The following ST18 variants were observed in gnomAD, a reference collection of about 807,000 sequenced individuals.
ST18 encodes suppression of tumorigenicity 18 protein.
Under a neutral mutation model 110.0 loss-of-function variants are expected in ST18, and 50 were observed. The observed-to-expected ratio is 0.45, with a 90% CI of 0.36 to 0.58. ST18 has a LOEUF of 0.58. Among genes scored for constraint, ST18 ranks in the 20% least tolerant of loss-of-function variants. The pLI, the probability that ST18 is intolerant of heterozygous loss-of-function variation, is 0.00. For missense variants in ST18, 1,306 were observed against 1,280.1 expected (o/e 1.02, Z -0.31); for synonymous variants, 461 against 452.4 (o/e 1.02, Z -0.24).
At chr8:52,181,383 A>G (rs961855275) in intron 8 of ST18, among the ~76,000 whole-genome samples, 2 of 152,206 alleles carry the variant, frequency 1.3e-5, no homozygotes, top group African/African-American at 4.8e-5. Flanking sequence ...CGTGAAAATG[A>G]TTCGGTTATA....
intron 8 of ST18, among the ~76,000 whole-genome samples, chr8:52,183,442 G>A (rs2070716366): frequency 6.6e-6 from 1 of 152,182 alleles, no homozygotes; most frequent in African/African-American, 2.4e-5. Context: ...GTGAGTGTAG[G>A]ATGAAGAGGA....
chr8:52,142,788 A>T, intron 17 of ST18, 142 bp downstream of exon 17: 1 of 614,830 alleles, frequency 1.6e-6, no homozygotes, highest in Non-Finnish European at 2.9e-6. Context: ...AGCTCAGGTT[A>T]GATGCGTGTT....
At chr8:52,315,396 C>T (rs1307950911) in intron 2 of ST18, among the ~76,000 whole-genome samples, 1 of 152,208 alleles carries the variant, frequency 6.6e-6, no homozygotes, top group Non-Finnish European at 1.5e-5. Flanking sequence ...AGCAGATCCA[C>T]ATGGCCCATT....
At chr8:52,334,375 T>C (rs1017606437) in intron 2 of ST18, among the ~76,000 whole-genome samples, 6 of 152,220 alleles carry the variant, frequency 3.9e-5, no homozygotes, top group Non-Finnish European at 8.8e-5. Context: ...TTCTTACTAG[T>C]ATGTGTTTTG....
At chr8:52,225,198 T>A (rs2088848515) in intron 3 of ST18, among the ~76,000 whole-genome samples, 1 of 152,232 alleles carries the variant, frequency 6.6e-6, no homozygotes, top group South Asian at 2.1e-4. Flanking sequence ...ATGCAAGACC[T>A]ATATTTCTCT....
intron 8 of ST18, among the ~76,000 whole-genome samples, chr8:52,188,790 G>T (rs974817952): frequency 6.6e-6 from 1 of 152,172 alleles, no homozygotes; most frequent in Non-Finnish European, 1.5e-5. Context: ...AAAGCAAATG[G>T]AATTATGAGA....
chr8:52,182,724 T>C (rs2070296648), intron 8 of ST18, among the ~76,000 whole-genome samples: 1 of 152,134 alleles, frequency 6.6e-6, no homozygotes, highest in South Asian at 2.1e-4. Flanking sequence ...TGTTCAACAC[T>C]GTACCTAGAG....
chr8:52,206,225 C>T (rs566700267), intron 8 of ST18, among the ~76,000 whole-genome samples: 24 of 152,136 alleles, frequency 1.6e-4, no homozygotes, highest in African/African-American at 5.8e-4. Flanking sequence ...CTGTATGGCT[C>T]CAACCAGACG....
intron 15 of ST18, among the ~76,000 whole-genome samples, chr8:52,153,288 C>T (rs1252027165): frequency 1.3e-5 from 2 of 152,180 alleles, no homozygotes; most frequent in Non-Finnish European, 2.9e-5. Flanking sequence ...CAGGATGGGT[C>T]ACCTGCCATT....
At chr8:52,249,169 T>C (rs1016139252) in intron 2 of ST18, among the ~76,000 whole-genome samples, 14 of 152,158 alleles carry the variant, frequency 9.2e-5, no homozygotes, top group African/African-American at 3.4e-4. Flanking sequence ...TACAAACTTT[T>C]TTGAAACAGC....
chr8:52,332,122 CATT>C (rs1480741305), intron 2 of ST18, among the ~76,000 whole-genome samples: 1 of 151,696 alleles, frequency 6.6e-6, no homozygotes, highest in African/African-American at 2.4e-5. Context: ...TTACATTTGC[CATT>C]ATAAGTATAA....
At chr8:52,119,867 T>A (rs928570494) in intron 23 of ST18, among the ~76,000 whole-genome samples, 1 of 152,186 alleles carries the variant, frequency 6.6e-6, no homozygotes, top group Admixed American at 6.5e-5. Context: ...CATGGACCAA[T>A]GAAGAGAGTG....
intron 8 of ST18, among the ~76,000 whole-genome samples, chr8:52,189,591 A>C (rs2073762585): frequency 6.6e-6 from 1 of 152,232 alleles, no homozygotes; most frequent in African/African-American, 2.4e-5. Context: ...TGTCCTTTCA[A>C]GGAAGTTCCC....
At chr8:52,388,652 A>C (rs936977158) in intron 2 of ST18, among the ~76,000 whole-genome samples, 1 of 151,668 alleles carries the variant, frequency 6.6e-6, no homozygotes, top group Non-Finnish European at 1.5e-5. Flanking sequence ...GTCACAAAGG[A>C]GGGATGGAAG....
chr8:52,270,518 A>C (rs1317641492), intron 2 of ST18, among the ~76,000 whole-genome samples: 1 of 152,190 alleles, frequency 6.6e-6, no homozygotes, highest in Non-Finnish European at 1.5e-5. Context: ...GCCATGCTTT[A>C]GATCTTTAAA....
chr8:52,249,623 G>A (rs1362970248), intron 2 of ST18, among the ~76,000 whole-genome samples: 1 of 151,990 alleles, frequency 6.6e-6, no homozygotes, highest in Non-Finnish European at 1.5e-5. Flanking sequence ...CAAGGTTGCC[G>A]AAGGTCTATT....
At chr8:52,256,831 A>T (rs2094543000) in intron 2 of ST18, among the ~76,000 whole-genome samples, 1 of 152,234 alleles carries the variant, frequency 6.6e-6, no homozygotes. Context: ...TTTAAAATAT[A>T]TAATTAAATA....
At chr8:52,255,221 C>T (rs1031587218) in intron 2 of ST18, among the ~76,000 whole-genome samples, 2 of 152,098 alleles carry the variant, frequency 1.3e-5, no homozygotes, top group Non-Finnish European at 2.9e-5. Flanking sequence ...GACTGGCTGT[C>T]GGGATTGGAC....
At chr8:52,339,301 C>T (rs1267240489) in intron 2 of ST18, among the ~76,000 whole-genome samples, 1 of 152,216 alleles carries the variant, frequency 6.6e-6, no homozygotes, top group Admixed American at 6.5e-5. Context: ...TCACATCAAA[C>T]TCCTCTCCCT....
Sources: gnomAD v4.1 joint callset for allele counts (sites outside exome capture counted in the v4.1 genomes callset) on GRCh38, gnomAD v4.1.1 for gene constraint, MANE v1.5 for transcripts, NCBI Gene and HGNC (gene_info 2026-07-23, HGNC 2026-07-21) for gene names.